ANO4: variants seen among roughly 807,000 people sequenced by gnomAD.
The protein encoded by ANO4 is anoctamin-4.
In ANO4, 69 loss-of-function variants were observed where a neutral mutation model predicts 141.9. The ratio of observed to expected loss-of-function variants is 0.49; its 90% CI spans 0.40 to 0.59. The LOEUF is 0.59. Among genes scored for constraint, ANO4 ranks in the 20% least tolerant of loss-of-function variants. ANO4 has a pLI of 0.00. For synonymous variants in ANO4, 350 were observed against 394.3 expected, an observed-to-expected ratio of 0.89 and a Z score of 1.33; for missense variants, 894 against 1,162.2, an observed-to-expected ratio of 0.77 and a Z score of 3.36.
intron 1 of ANO4, among the ~76,000 whole-genome samples, chr12:100,856,350 T>C (rs1427919361): frequency 6.6e-6 from 1 of 152,130 alleles, no homozygotes; most frequent in African/African-American, 2.4e-5. Flanking sequence ...TTAAGAAAAT[T>C]TTCCAAGTTT....
chr12:100,893,242 T>C (rs2135997327), intron 1 of ANO4, among the ~76,000 whole-genome samples: 1 of 148,272 alleles, frequency 6.7e-6, no homozygotes. Context: ...GAAGGAGGAT[T>C]TTTTTTTTTT....
chr12:101,116,760 T>C lies in ANO4; in HGVS notation c.2532T>C (p.Asp844=). 3 of 1,614,144 alleles carry C rather than the reference T, an allele frequency of 1.9e-6. No individual in the cohort carries two copies. The highest frequency in any genetic ancestry group is 1.1e-5 in the South Asian group (1 of 91,062). ...AGAACCGATCTGAGCCTGAATCTGA[T>C]GGCAGTGAGTTCTCGGGGACTCCTC... The part of the protein sequence containing the change: ...DFENRSEPES[D]GSEFSGTPLK... Residue 844 remains aspartate (D), a synonymous_variant, in exon 25 of 28, where the codon GAT becomes GAC. Coordinates refer to ENST00000392977, the MANE Select transcript of ANO4 (RefSeq NM_001286615.2).
At chr12:100,948,713 C>A (rs1352320322) in intron 5 of ANO4, among the ~76,000 whole-genome samples, 1 of 152,140 alleles carries the variant, frequency 6.6e-6, no homozygotes, top group Non-Finnish European at 1.5e-5. Flanking sequence ...TTCTGTGTTA[C>A]TTAGCTAGTC....
At chr12:101,126,719 AG>A in intron 26 of ANO4, among the ~76,000 whole-genome samples, 159 bp from the exon 27 acceptor site, 1 of 152,230 alleles carries the variant, frequency 6.6e-6, no homozygotes, top group East Asian at 1.9e-4. Context: ...AGACCAGTTC[AG>A]GCCTCACCTG....
chr12:100,732,662 T>C (rs887152254), intron 1 of ANO4, among the ~76,000 whole-genome samples: 7 of 152,216 alleles, frequency 4.6e-5, no homozygotes, highest in African/African-American at 1.7e-4. Context: ...TGTTATCTTC[T>C]AGGAGTTTTT....
exon 3 of ANO4, chr12:100,740,049 C>G: frequency 1.4e-6 from 1 of 702,642 alleles, no homozygotes; most frequent in South Asian, 1.5e-5. Flanking sequence ...CTGTCTATCA[C>G]TCCAGTGCCT....
chr12:100,886,109 T>A (rs2039813617), intron 1 of ANO4, among the ~76,000 whole-genome samples: 1 of 152,174 alleles, frequency 6.6e-6, no homozygotes, highest in Non-Finnish European at 1.5e-5. Context: ...TCTATTTGTG[T>A]CCCCACTTCC....
intron 1 of ANO4, chr12:100,885,530 T>G (rs2039785889): frequency 6.6e-6 from 1 of 152,262 alleles, no homozygotes; most frequent in Non-Finnish European, 1.5e-5. Context: ...CTGTGCCTCA[T>G]AAACATGACC....
intron 1 of ANO4, among the ~76,000 whole-genome samples, chr12:100,730,916 C>T (rs148975981): frequency 3.8e-3 from 577 of 152,336 alleles, no homozygotes; most frequent in Admixed American, 5.2e-3. Flanking sequence ...TCTCTGTCCT[C>T]TGGCTTGCCA....
At chr12:100,939,706 T>C (rs2042429502) in intron 4 of ANO4, among the ~76,000 whole-genome samples, 1 of 152,192 alleles carries the variant, frequency 6.6e-6, no homozygotes, top group Non-Finnish European at 1.5e-5. Flanking sequence ...CATTTTAAGA[T>C]AGCCTACATT....
At chr12:100,930,376 G>T (rs1476944460) in intron 3 of ANO4, among the ~76,000 whole-genome samples, 2 of 152,076 alleles carry the variant, frequency 1.3e-5, no homozygotes, top group African/African-American at 4.8e-5. Context: ...AGAGATAGGG[G>T]TCTAGTTTCA....
chr12:100,997,693 G>A (rs1346791487), intron 8 of ANO4, among the ~76,000 whole-genome samples: 3 of 152,000 alleles, frequency 2.0e-5, no homozygotes, highest in South Asian at 2.1e-4. Context: ...GGGGCCAAGC[G>A]GAAGGGAGAA....
chr12:100,826,605 C>G (rs1323589372), intron 1 of ANO4, among the ~76,000 whole-genome samples: 1 of 55,078 alleles, frequency 1.8e-5, no homozygotes, highest in Non-Finnish European at 4.2e-5. Context: ...TCCTCCCAAC[C>G]GCAATGGCCC....
intron 2 of ANO4, 102 bp downstream of exon 2, chr12:100,901,942 C>G (rs2040612434): frequency 4.2e-6 from 5 of 1,202,234 alleles, no homozygotes; most frequent in Non-Finnish European, 5.8e-6. Context: ...TTCAGCTAAG[C>G]TTGCTTTTGT....
intron 1 of ANO4, among the ~76,000 whole-genome samples, chr12:100,831,095 A>G (rs767377298): frequency 6.6e-6 from 1 of 152,162 alleles, no homozygotes; most frequent in Non-Finnish European, 1.5e-5. Context: ...TTAAAACTGT[A>G]TAAAGATCCT....
intron 7 of ANO4, among the ~76,000 whole-genome samples, chr12:100,980,103 C>T (rs757134959): frequency 6.6e-6 from 1 of 152,120 alleles, no homozygotes; most frequent in Non-Finnish European, 1.5e-5. Flanking sequence ...GGGCTGGAAA[C>T]ATTGGTGCTA....
intron 26 of ANO4, among the ~76,000 whole-genome samples, chr12:101,122,460 A>C (rs935986771): frequency 6.6e-6 from 1 of 152,186 alleles, no homozygotes; most frequent in African/African-American, 2.4e-5. Context: ...TTCTTTGCCC[A>C]GGCCAGTATT....
At chr12:100,967,086 T>G (rs1026882148) in intron 5 of ANO4, among the ~76,000 whole-genome samples, 2 of 152,020 alleles carry the variant, frequency 1.3e-5, no homozygotes, top group African/African-American at 4.8e-5. Context: ...AAAAAAAAAT[T>G]TTGTGTGTGA....
At chr12:100,718,879 A>G (rs1266781289) in intron 1 of ANO4, among the ~76,000 whole-genome samples, 1 of 152,158 alleles carries the variant, frequency 6.6e-6, no homozygotes, top group Non-Finnish European at 1.5e-5. Context: ...CAAAACATCT[A>G]TTTTTACACC....
Sources: allele counts gnomAD v4.1 joint callset (sites outside exome capture counted in the v4.1 genomes callset), GRCh38; gene constraint gnomAD v4.1.1; transcripts MANE v1.5; gene names NCBI Gene and HGNC (gene_info 2026-07-23, HGNC 2026-07-21).